Variants in CSMD1 observed in about 807,000 individuals in gnomAD.
The protein encoded by CSMD1 is CUB and Sushi multiple domains 1, also known as CUB and sushi domain-containing protein 1.
In CSMD1, 213 loss-of-function variants were observed where a neutral mutation model predicts 417.5. The ratio of observed to expected loss-of-function variants is 0.51; its 90% CI spans 0.46 to 0.57. The LOEUF (loss-of-function observed/expected upper bound fraction) is 0.57. Among genes scored for constraint, CSMD1 ranks in the 20% least tolerant of loss-of-function variants. The probability of loss-of-function intolerance (pLI) is 0.00; values close to 1 mark genes in which losing one functional copy is unlikely to be tolerated. For synonymous variants in CSMD1, 2,862 were observed against 1,736.8 expected (o/e 1.65, Z -16.11); for missense variants, 6,923 against 4,529.7 (o/e 1.53, Z -15.17).
intron 26 of CSMD1, among the ~76,000 whole-genome samples, chr8:3,267,863 G>C (rs1221186632): frequency 6.6e-6 from 1 of 152,104 alleles, no homozygotes; most frequent in Non-Finnish European, 1.5e-5. Context: ...ACCCTGGCAG[G>C]GCCATAGGGA....
At chr8:4,678,937 C>T (rs1460236432) in intron 1 of CSMD1, among the ~76,000 whole-genome samples, 1 of 152,140 alleles carries the variant, frequency 6.6e-6, no homozygotes, top group African/African-American at 2.4e-5. Context: ...ACTACATAAA[C>T]CAAACCAGCC....
intron 26 of CSMD1, among the ~76,000 whole-genome samples, chr8:3,237,333 G>T (rs1220889718): frequency 6.6e-6 from 1 of 151,622 alleles, no homozygotes; most frequent in African/African-American, 2.4e-5. Context: ...TGGTCATGGT[G>T]GTGTGTGTCT....
chr8:3,491,229 T>C (rs1363777121), intron 11 of CSMD1, among the ~76,000 whole-genome samples: 1 of 152,164 alleles, frequency 6.6e-6, no homozygotes, highest in Admixed American at 6.5e-5. Flanking sequence ...CTCAAGATCC[T>C]GGAGCAGTAT....
chr8:4,632,481 C>T (rs1256750710), intron 2 of CSMD1, among the ~76,000 whole-genome samples: 1 of 152,126 alleles, frequency 6.6e-6, no homozygotes, highest in African/African-American at 2.4e-5. Flanking sequence ...CATTGCACTC[C>T]AGCCTGGGTG....
At chr8:3,728,161 G>C (rs113514583) in intron 6 of CSMD1, among the ~76,000 whole-genome samples, 4 of 152,272 alleles carry the variant, frequency 2.6e-5, no homozygotes, top group African/African-American at 9.6e-5. Flanking sequence ...TGAATCATGG[G>C]TGCTGTTGCC....
At chr8:3,311,148 G>A (rs746164491) in intron 23 of CSMD1, among the ~76,000 whole-genome samples, 89 of 152,240 alleles carry the variant, frequency 5.8e-4, no homozygotes, top group Admixed American at 1.7e-3. Context: ...AATATGCTTA[G>A]GACAGTTACC....
chr8:3,502,712 G>C (rs1256636338), intron 10 of CSMD1, among the ~76,000 whole-genome samples: 2 of 152,202 alleles, frequency 1.3e-5, no homozygotes, highest in Non-Finnish European at 2.9e-5. Flanking sequence ...TTAGAAGAGG[G>C]AGGGATGAAG....
chr8:4,787,568 T>C (rs1797471802), intron 1 of CSMD1: 16 of 1,482,964 alleles, frequency 1.1e-5, no homozygotes, highest in Non-Finnish European at 1.5e-5. Flanking sequence ...GGAGACAGCT[T>C]TCATTGCACC....
chr8:4,088,236 G>A (rs1406835757), intron 3 of CSMD1, among the ~76,000 whole-genome samples: 3 of 152,158 alleles, frequency 2.0e-5, no homozygotes, highest in East Asian at 1.9e-4. Flanking sequence ...CTGGCTCTCA[G>A]AAGCTGAGAA....
At chr8:4,377,000 G>A (rs557239549) in intron 3 of CSMD1, among the ~76,000 whole-genome samples, 3 of 152,266 alleles carry the variant, frequency 2.0e-5, no homozygotes, top group South Asian at 2.1e-4. Flanking sequence ...GCTGTGCCCC[G>A]GGACACAGGT....
chr8:3,739,173 A>G (rs1324498154), intron 6 of CSMD1, among the ~76,000 whole-genome samples: 1 of 152,186 alleles, frequency 6.6e-6, no homozygotes, highest in African/African-American at 2.4e-5. Context: ...AAAGTATCTG[A>G]TGCATGCCGG....
intron 23 of CSMD1, among the ~76,000 whole-genome samples, chr8:3,330,554 A>G (rs139434669): frequency 6.6e-6 from 1 of 152,210 alleles, no homozygotes; most frequent in Non-Finnish European, 1.5e-5. Flanking sequence ...GTGTGAACTC[A>G]TGAACACAAA....
chr8:3,485,526 T>TAC lies in CSMD1; in HGVS notation c.1448+8095_1448+8096dup, dbSNP rs149963962. The stretch of plus-strand genomic sequence containing the variant: ...GAAATTGTATAGAACTTCATAACAA[T>TAC]ACACACACACACAGAGAGAGAGAGA... On this transcript the variant is annotated intron_variant, in intron 11 of 69. Coordinates refer to ENST00000635120, the MANE Select transcript of CSMD1 (RefSeq NM_033225.6). Among the ~76,000 whole-genome samples the TAC allele has an allele frequency of 5.8e-3, 783 of 136,146 alleles. 8 individuals carry two copies. Among genetic ancestry groups the TAC allele is most frequent in the African/African-American group, 0.02 (708 of 35,348 alleles). The allele number at this position is 136,146 out of a possible 152,430, so 89.3% of individuals were successfully genotyped here.
At chr8:3,158,926 C>T (rs1041466404) in intron 38 of CSMD1, among the ~76,000 whole-genome samples, 1 of 152,166 alleles carries the variant, frequency 6.6e-6, no homozygotes, top group Non-Finnish European at 1.5e-5. Flanking sequence ...ATGCAGTTAT[C>T]AATGGCAAAC....
intron 7 of CSMD1, among the ~76,000 whole-genome samples, chr8:3,699,184 A>T (rs932166098): frequency 6.6e-6 from 1 of 152,234 alleles, no homozygotes; most frequent in Non-Finnish European, 1.5e-5. Flanking sequence ...AGTACATTAC[A>T]CTGTGTTTTC....
chr8:4,049,570 C>A (rs1179953408), intron 3 of CSMD1, among the ~76,000 whole-genome samples: 1 of 152,008 alleles, frequency 6.6e-6, no homozygotes, highest in Non-Finnish European at 1.5e-5. Context: ...TTTTTATACC[C>A]AACTACTACC....
intron 3 of CSMD1, among the ~76,000 whole-genome samples, chr8:4,120,798 G>A (rs559596691): frequency 6.6e-6 from 1 of 152,210 alleles, no homozygotes; most frequent in Non-Finnish European, 1.5e-5. Flanking sequence ...ACAAAAGACA[G>A]AAGCTCATGA....
chr8:3,817,544 G>A (rs886853690), intron 5 of CSMD1, among the ~76,000 whole-genome samples: 4 of 151,892 alleles, frequency 2.6e-5, no homozygotes, highest in Admixed American at 6.6e-5. Flanking sequence ...CTCCCAAAGC[G>A]CAGGGATTGC....
chr8:4,553,624 C>G (rs1048289642), intron 2 of CSMD1, among the ~76,000 whole-genome samples: 12 of 152,128 alleles, frequency 7.9e-5, no homozygotes, highest in African/African-American at 2.9e-4. Context: ...CAGCTTAGCT[C>G]TACCAATATA....
Sources: gnomAD v4.1 joint callset for allele counts (sites outside exome capture counted in the v4.1 genomes callset) on GRCh38, gnomAD v4.1.1 for gene constraint, MANE v1.5 for transcripts, NCBI Gene and HGNC (gene_info 2026-07-23, HGNC 2026-07-21) for gene names.